The following SP140 variants were observed in gnomAD, a reference collection of about 807,000 sequenced individuals.
The protein encoded by SP140 is nuclear body protein SP140.
A neutral mutation model predicts 125.0 loss-of-function variants in SP140; 81 were observed. The ratio of observed to expected loss-of-function variants is 0.65; its 90% CI spans 0.54 to 0.78. SP140 has a LOEUF of 0.78. Ranked by LOEUF, SP140 falls within the 30% of genes least tolerant of loss-of-function variation. SP140 has a pLI of 0.00. For missense variants in SP140, 858 were observed against 1,037.0 expected, an observed-to-expected ratio of 0.83 and a Z score of 2.37; for synonymous variants, 312 against 354.0, an observed-to-expected ratio of 0.88 and a Z score of 1.33.
intron 15 of SP140, among the ~76,000 whole-genome samples, chr2:230,278,709 T>G (rs2055082629): frequency 6.6e-6 from 1 of 152,116 alleles, no homozygotes; most frequent in Non-Finnish European, 1.5e-5. Flanking sequence ...TTCATTCTTT[T>G]GCTTGTGGAT....
the SP140 span, among the ~76,000 whole-genome samples, chr2:230,190,889 G>A: frequency 6.6e-6 from 1 of 152,090 alleles, no homozygotes; most frequent in Admixed American, 6.6e-5. Context: ...TTATTTCTGA[G>A]GTCTCTGTTC....
rs2148916908 is a variant in SP140 at position 230,211,447 on chromosome 2, T to A, written c.-322-2207T>A. The A allele has an allele frequency of 6.9e-7, 1 of 1,458,446 alleles. No homozygotes were observed. Among genetic ancestry groups the A allele is most frequent in the East Asian group, 2.3e-5 (1 of 44,142 alleles). The allele number at this position is 1,458,446 out of a possible 1,614,324, so 90.3% of individuals were successfully genotyped here. On this transcript the variant is annotated intron_variant, in intron 1 of 4. Transcript: ENST00000456542. The surrounding 1 kb of genome is among the most constrained non-coding windows in gnomAD (Gnocchi z 4.2). ...AAACACAGAAACAAAGGCAAGCTTT[T>A]AGGTTGACCAAACCAAGATTACCTG...
At chr2:230,310,259 G>A (rs575670007) in intron 23 of SP140, 6 of 561,450 alleles carry the variant, frequency 1.1e-5, no homozygotes, top group African/African-American at 5.6e-5. Flanking sequence ...ATATGCTGAG[G>A]GCAGTGTTGG....
intron 20 of SP140, 109 bp downstream of exon 20, chr2:230,292,897 A>C: frequency 6.6e-7 from 1 of 1,504,156 alleles, no homozygotes; most frequent in African/African-American, 1.4e-5. Context: ...CCTTGATGCC[A>C]GTGGGTTTAT....
chr2:230,292,850 G>T, intron 20 of SP140, 62 bp downstream of exon 20: 1 of 1,603,152 alleles, frequency 6.2e-7, no homozygotes, highest in Non-Finnish European at 8.5e-7. Flanking sequence ...TGAGGAGACT[G>T]TTTATTCACC....
chr2:230,192,080 T>C, the SP140 span, among the ~76,000 whole-genome samples: 1 of 152,078 alleles, frequency 6.6e-6, no homozygotes, highest in Non-Finnish European at 1.5e-5. Flanking sequence ...GATAAAATTC[T>C]ACATCCCTTC....
intron 15 of SP140, among the ~76,000 whole-genome samples, chr2:230,275,062 TCTC>T (rs1162977171): frequency 3.3e-5 from 5 of 152,112 alleles, no homozygotes; most frequent in Admixed American, 6.6e-5. Flanking sequence ...TTTTGTTTCT[TCTC>T]CTACGAGTGC....
chr2:230,247,804 C>A, intron 7 of SP140, 112 bp from the exon 8 acceptor site: 1 of 1,047,278 alleles, frequency 9.5e-7, no homozygotes, highest in Non-Finnish European at 1.4e-6. Flanking sequence ...AGGCTTAGCC[C>A]TGTGCTTGAA....
intron 10 of SP140, 56 bp downstream of exon 10, chr2:230,251,117 T>A: frequency 7.1e-7 from 1 of 1,416,284 alleles, no homozygotes; most frequent in Non-Finnish European, 1.0e-6. Flanking sequence ...AGGTTGAATT[T>A]GGAGCTTGTG....
chr2:230,197,188 A>G, the SP140 span, among the ~76,000 whole-genome samples: 4 of 151,682 alleles, frequency 2.6e-5, no homozygotes, highest in Admixed American at 2.6e-4. Flanking sequence ...ATTTCTCCAC[A>G]TCCTCTCCAG....
rs1439214904 is a variant in SP140 at position 230,245,072 on chromosome 2, G to A, written c.656G>A (p.Gly219Asp). Residue 219 changes from glycine to aspartate, a missense_variant, in exon 6 of 27, where the codon GGT becomes GAT. Transcript: ENST00000392045. Reference sequence around the variant, plus strand: ...GAAGATGCACCCAGCCTACTACCAGGTGGGGGAGGTAATTATGATTTAAAT... The same window carrying A: ...GAAGATGCACCCAGCCTACTACCAGATGGGGGAGGTAATTATGATTTAAAT... ...DAEDAPSLLP[G>D]GGVSCKLAIQ... 6.2e-7 allele frequency: 1 copy of A among 1,608,572 alleles called. No individual in the cohort carries two copies. The highest frequency in any genetic ancestry group is 2.2e-5 in the East Asian group (1 of 44,838).
At chr2:230,238,187 A>C in intron 2 of SP140, 26 bp from the exon 3 acceptor site, 1 of 1,545,190 alleles carries the variant, frequency 6.5e-7, no homozygotes, top group East Asian at 2.3e-5. Flanking sequence ...CTCTAGCTAC[A>C]TAATTCTCCA....
chr2:230,279,138 A>C (rs900899741), intron 15 of SP140, among the ~76,000 whole-genome samples: 2 of 152,146 alleles, frequency 1.3e-5, no homozygotes, highest in African/African-American at 4.8e-5. Flanking sequence ...TGCACACTGA[A>C]AACTATGACA....
intron 12 of SP140, among the ~76,000 whole-genome samples, chr2:230,268,813 T>A (rs62191196): frequency 0.1 from 15,722 of 152,100 alleles, 927 homozygotes; most frequent in Admixed American, 0.12. Context: ...ATGCCTGTGG[T>A]TCCAAGGGTC....
chr2:230,313,907 G>C (rs186769559), downstream of SP140, among the ~76,000 whole-genome samples: 5 of 152,334 alleles, frequency 3.3e-5, no homozygotes, highest in African/African-American at 1.2e-4. Context: ...AGAAGTATGG[G>C]TTTTGGTGGC....
chr2:230,310,235 G>A, intron 23 of SP140, 196 bp downstream of exon 23: 1 of 585,452 alleles, frequency 1.7e-6, no homozygotes, highest in Non-Finnish European at 3.0e-6. Context: ...GTGCTCTCAG[G>A]GACACCTCCT....
At chr2:230,269,641 G>C in intron 13 of SP140, 23 bp downstream of exon 13, 1 of 1,375,168 alleles carries the variant, frequency 7.3e-7, no homozygotes, top group Non-Finnish European at 1.0e-6. Flanking sequence ...TAAAAATAGT[G>C]AAAACAGAAA....
At position 230,274,610 on chromosome 2, in the gene SP140, C is replaced by T. The variant is rs142421411; in HGVS notation, c.1498+3971C>T. On this transcript the variant is annotated intron_variant, in intron 15 of 26. Transcript: ENST00000392045. ...TTTCCAACCCTCAGAATTATGAGAC[C>T]ACAAATCTGTGATTTTTTTGTCACT... Among the ~76,000 whole-genome samples the T allele has an allele frequency of 5.1e-4, 77 of 152,090 alleles. No homozygotes were observed. The East Asian group carries it at 0.014, about 28-fold the overall frequency.
rs370623196 is a variant in SP140, at chr2:230,245,516, G to A, written c.665-347G>A. 5.3e-5 allele frequency among the ~76,000 whole-genome samples: 8 copies of A among 152,270 alleles called. No individual in the cohort carries two copies. In the South Asian group the frequency reaches 1.7e-3, roughly 32 times the overall value. On this transcript the variant is annotated intron_variant, in intron 6 of 26. Transcript: ENST00000392045. ...GAAGAATGAATAGGGATATAACGGG[G>A]CAAAGAGGTAACAAACATCACGAAG...
Sources: gnomAD v4.1 joint callset for allele counts (sites outside exome capture counted in the v4.1 genomes callset) on GRCh38, gnomAD v4.1.1 for gene constraint, Gnocchi (gnomAD v3.1) non-coding constraint, MANE v1.5 for transcripts, NCBI Gene and HGNC (gene_info 2026-07-23, HGNC 2026-07-21) for gene names.